The following FILIP1L variants were observed in gnomAD, a reference collection of about 807,000 sequenced individuals.
The protein encoded by FILIP1L is filamin A interacting protein 1 like.
Under a neutral mutation model 96.6 loss-of-function variants are expected in FILIP1L, and 55 were observed. The ratio of observed to expected loss-of-function variants is 0.57; its 90% CI spans 0.46 to 0.71. The LOEUF (loss-of-function observed/expected upper bound fraction) is 0.71. Ranked by LOEUF, FILIP1L falls within the 30% of genes least tolerant of loss-of-function variation. The pLI, the probability that FILIP1L is intolerant of heterozygous loss-of-function variation, is 0.00. For missense variants in FILIP1L, 1,304 were observed against 1,321.2 expected, an observed-to-expected ratio of 0.99 and a Z score of 0.20; for synonymous variants, 467 against 473.9, an observed-to-expected ratio of 0.99 and a Z score of 0.19.
At chr3:100,023,866 T>C (rs1371174539) in intron 1 of FILIP1L, among the ~76,000 whole-genome samples, 3 of 152,168 alleles carry the variant, frequency 2.0e-5, no homozygotes, top group Non-Finnish European at 4.4e-5. Context: ...ACATATAGTA[T>C]TACTCATCAA....
chr3:99,991,975 CATATATGTGTATATATACGTAT>C, intron 1 of FILIP1L, among the ~76,000 whole-genome samples: 1 of 146,458 alleles, frequency 6.8e-6, no homozygotes, highest in East Asian at 2.0e-4. Context: ...TATATACACA[CATATATGTGTATATATACGTAT>C]ATATATGTGT....
Position 99,849,488 on chromosome 3 carries a change from T to C in FILIP1L, c.2188A>G (p.Met730Val), listed in dbSNP as rs142569410. 1.4e-5 allele frequency: 22 copies of C among 1,613,516 alleles called. No homozygotes were observed. In the East Asian group the frequency reaches 4.2e-4, roughly 31 times the overall value. The change falls in exon 5 of 6, where the codon ATG (methionine) becomes GTG (valine). Residue 730 changes from methionine (M) to valine (V), a missense_variant. By Grantham distance (21) the Met-to-Val change is conservative. Transcript: ENST00000477258. Reference sequence around the variant, plus strand: ...TGACATATTAGGTCTTCAGTTGCCATGTATTCATGAATTTTCTCTTTTAAT... The same window carrying C: ...TGACATATTAGGTCTTCAGTTGCCACGTATTCATGAATTTTCTCTTTTAAT... ...DALKEKIHEY[M>V]ATEDLICHLQ...
At chr3:99,970,347 G>A (rs1219966696) in intron 1 of FILIP1L, among the ~76,000 whole-genome samples, 2 of 152,210 alleles carry the variant, frequency 1.3e-5, no homozygotes. Flanking sequence ...CAGGCCTTCT[G>A]GTGTGTGAGG....
chr3:100,087,158 T>A (rs1364578045), intron 1 of FILIP1L, among the ~76,000 whole-genome samples: 1 of 152,238 alleles, frequency 6.6e-6, no homozygotes. Flanking sequence ...AAGCCACTAT[T>A]AATGTTCACG....
chr3:99,979,854 T>C (rs1709069992), intron 1 of FILIP1L, among the ~76,000 whole-genome samples: 1 of 152,140 alleles, frequency 6.6e-6, no homozygotes, highest in Non-Finnish European at 1.5e-5. Context: ...ATAGGTATAA[T>C]ATGAAGTTGA....
At chr3:99,955,804 C>T (rs1042103697) in intron 1 of FILIP1L, among the ~76,000 whole-genome samples, 6 of 152,164 alleles carry the variant, frequency 3.9e-5, no homozygotes, top group African/African-American at 1.4e-4. Context: ...GATGGAATTT[C>T]GAATGGCCTG....
intron 5 of FILIP1L, among the ~76,000 whole-genome samples, chr3:99,836,395 G>A (rs753811783): frequency 6.6e-6 from 1 of 152,106 alleles, no homozygotes; most frequent in Admixed American, 6.6e-5. Context: ...GGTTATGGGC[G>A]CATGCTAAGT....
intron 4 of FILIP1L, among the ~76,000 whole-genome samples, chr3:99,911,668 G>GA (rs1198407559): frequency 6.6e-6 from 1 of 152,136 alleles, no homozygotes; most frequent in Non-Finnish European, 1.5e-5. Context: ...TGCCTGCTGG[G>GA]AAACCTTCAC....
chr3:100,062,143 G>T (rs1355619966), intron 1 of FILIP1L, among the ~76,000 whole-genome samples: 2 of 100,970 alleles, frequency 2.0e-5, no homozygotes, highest in Non-Finnish European at 1.8e-5. Flanking sequence ...ACGGAGTGTT[G>T]CTCTGTCCCC....
At chr3:99,956,549 G>T (rs1170719566) in intron 1 of FILIP1L, among the ~76,000 whole-genome samples, 1 of 152,106 alleles carries the variant, frequency 6.6e-6, no homozygotes, top group East Asian at 1.9e-4. Flanking sequence ...GTTTCACCAC[G>T]TTGGCCAGGC....
intron 1 of FILIP1L, among the ~76,000 whole-genome samples, chr3:99,951,512 C>T (rs569942552): frequency 2.6e-5 from 4 of 152,086 alleles, no homozygotes; most frequent in East Asian, 1.9e-4. Context: ...TGGTAAAAAT[C>T]GCTTGGACTT....
intron 1 of FILIP1L, among the ~76,000 whole-genome samples, chr3:100,051,707 A>G (rs2065376435): frequency 6.6e-6 from 1 of 151,856 alleles, no homozygotes; most frequent in Non-Finnish European, 1.5e-5. Context: ...ATGGCTGCAT[A>G]GTATTCCATG....
intron 1 of FILIP1L, among the ~76,000 whole-genome samples, chr3:100,064,395 A>G (rs994344817): frequency 7.6e-6 from 1 of 130,894 alleles, no homozygotes; most frequent in African/African-American, 2.8e-5. Flanking sequence ...CCCCCCCAAC[A>G]CCCTTTTTTT....
intron 1 of FILIP1L, among the ~76,000 whole-genome samples, chr3:100,031,483 T>G (rs1003301233): frequency 6.6e-6 from 1 of 152,042 alleles, no homozygotes; most frequent in Non-Finnish European, 1.5e-5. Context: ...ATTCCTTTTT[T>G]CAAATATAAA....
At chr3:100,057,468 C>T (rs1236390192) in intron 1 of FILIP1L, among the ~76,000 whole-genome samples, 1 of 152,232 alleles carries the variant, frequency 6.6e-6, no homozygotes, top group African/African-American at 2.4e-5. Context: ...GCTGCGGTTT[C>T]TCCAAACTCT....
chr3:99,961,725 C>T (rs992772274), intron 1 of FILIP1L, among the ~76,000 whole-genome samples: 3 of 152,098 alleles, frequency 2.0e-5, no homozygotes, highest in African/African-American at 7.2e-5. Flanking sequence ...TAAGAATATT[C>T]TTCTCCTTCC....
Position 99,930,893 on chromosome 3 carries a change from T to A in FILIP1L, c.128A>T (p.Glu43Val), listed in dbSNP as rs1707460104. 1 of 1,613,444 alleles carries A rather than the reference T, an allele frequency of 6.2e-7. No homozygotes were observed. The highest frequency in any genetic ancestry group is 1.3e-5 in the African/African-American group (1 of 74,692). The change falls in exon 2 of 6, where the codon GAG becomes GTG. Residue 43 changes from glutamate (E) to valine (V), a missense_variant. Physicochemically the swap from Glu to Val is moderately radical, Grantham distance 121. Transcript: ENST00000477258. ...GGGACACGGAAGTATTACATCCGAC[T>A]CACTGGGGGAGTCTTTGTCTTGCTG... ...HRQQDKDSPS[E>V]SDVILPCPKA...
intron 5 of FILIP1L, chr3:99,833,303 TATTAA>T (rs772610442): frequency 9.8e-6 from 15 of 1,531,218 alleles, no homozygotes; most frequent in Middle Eastern, 1.7e-4. Flanking sequence ...TTGTGGAATA[TATTAA>T]ATTCTAAAAG....
At chr3:99,990,096 A>G (rs1165944979) in intron 1 of FILIP1L, among the ~76,000 whole-genome samples, 2 of 152,170 alleles carry the variant, frequency 1.3e-5, no homozygotes, top group Non-Finnish European at 2.9e-5. Flanking sequence ...AGAAAGAGAA[A>G]TATATTGAAC....
Sources: allele counts gnomAD v4.1 joint callset (sites outside exome capture counted in the v4.1 genomes callset), GRCh38; gene constraint gnomAD v4.1.1; transcripts MANE v1.5; gene names NCBI Gene and HGNC (gene_info 2026-07-23, HGNC 2026-07-21).